CHCHD6: variants seen among roughly 807,000 people sequenced by gnomAD.
CHCHD6 encodes MICOS complex subunit MIC25.
CHCHD6 carries 28 observed loss-of-function variants against 32.3 expected under a neutral mutation model. The observed-to-expected ratio is 0.87, with a 90% CI of 0.64 to 1.19. CHCHD6 has a LOEUF of 1.19. CHCHD6 is among the 50% of genes most tolerant of loss of function. The pLI is 0.00. For missense variants in CHCHD6, 333 were observed against 307.0 expected (o/e 1.08, Z -0.63); for synonymous variants, 122 against 117.5 (o/e 1.04, Z -0.25).
intron 5 of CHCHD6, among the ~76,000 whole-genome samples, chr3:126,871,692 G>A (rs1341850246): frequency 1.5e-5 from 2 of 135,678 alleles, no homozygotes; most frequent in South Asian, 2.3e-4. Context: ...TTGAGTCGGC[G>A]TCTCACTCTG....
intron 4 of CHCHD6, among the ~76,000 whole-genome samples, chr3:126,763,921 T>G (rs1183724175): frequency 6.6e-6 from 1 of 152,136 alleles, no homozygotes; most frequent in Non-Finnish European, 1.5e-5. Flanking sequence ...TGGATGTACA[T>G]AATGCTGAAA....
Position 126,957,551 on chromosome 3 carries a change from G to T in CHCHD6, c.702G>T (p.Lys234Asn). Residue 234 changes from lysine (K) to asparagine (N), a missense_variant and splice_region_variant, in exon 7 of 8, where the codon AAG (lysine) becomes AAT (asparagine). Transcript: ENST00000290913. The stretch of plus-strand genomic sequence containing the variant: ...AGCGCTGCGTGAGCGCCGCCCACAA[G>T]GTAAGGCCTTGCCTGCCTCCCAGGT... ...AYQRCVSAAH[K>N]G 6.4e-7 allele frequency: 1 copy of T among 1,563,668 alleles called. No individual in the cohort carries two copies. Among genetic ancestry groups the T allele is most frequent in the Non-Finnish European group, 8.7e-7 (1 of 1,154,202 alleles).
intron 6 of CHCHD6, among the ~76,000 whole-genome samples, chr3:126,928,194 C>T (rs964507631): frequency 1.2e-4 from 18 of 152,366 alleles, no homozygotes; most frequent in African/African-American, 4.1e-4. Flanking sequence ...CATCTCCTGG[C>T]ATCTGGTTCT....
intron 5 of CHCHD6, among the ~76,000 whole-genome samples, chr3:126,883,591 G>A (rs892156546): frequency 3.3e-5 from 5 of 152,162 alleles, no homozygotes; most frequent in Admixed American, 3.3e-4. Context: ...GGCTGGCTGT[G>A]GGAACAGACC....
Position 126,959,187 on chromosome 3 carries a change from C to A in CHCHD6, c.703-1009C>A, listed in dbSNP as rs562129246. Among the ~76,000 whole-genome samples the A allele has an allele frequency of 2.0e-5, 3 of 152,362 alleles. No individual in the cohort carries two copies. In the South Asian group the frequency reaches 6.2e-4, roughly 32 times the overall value. On this transcript the variant is annotated intron_variant, in intron 7 of 7. Transcript: ENST00000290913. Reference sequence around the variant, plus strand: ...ACCAAGGAAGACAGATCACATTAAACCCCAGTGTATTCCCTGAGAGAGGCT... The same window carrying A: ...ACCAAGGAAGACAGATCACATTAAAACCCAGTGTATTCCCTGAGAGAGGCT...
chr3:126,732,063 T>C (rs1430725145), intron 3 of CHCHD6, among the ~76,000 whole-genome samples: 1 of 141,136 alleles, frequency 7.1e-6, no homozygotes, highest in Non-Finnish European at 1.5e-5. Context: ...TGGACCACAT[T>C]GTGAGACCCA....
At chr3:126,881,300 A>T (rs1330679668) in intron 5 of CHCHD6, among the ~76,000 whole-genome samples, 1 of 151,990 alleles carries the variant, frequency 6.6e-6, no homozygotes, top group Non-Finnish European at 1.5e-5. Context: ...TCCTCTGGGC[A>T]CCCCACCCCA....
intron 6 of CHCHD6, among the ~76,000 whole-genome samples, chr3:126,946,546 C>T (rs939284955): frequency 2.6e-5 from 4 of 152,142 alleles, no homozygotes; most frequent in Admixed American, 1.3e-4. Context: ...CCCTCTCCCA[C>T]CTGAGGGATG....
At chr3:126,958,812 C>T (rs898203195) in intron 7 of CHCHD6, among the ~76,000 whole-genome samples, 2 of 152,192 alleles carry the variant, frequency 1.3e-5, no homozygotes, top group Non-Finnish European at 2.9e-5. Context: ...GGGCAGGAGG[C>T]GCTGGGGCAC....
chr3:126,790,337 T>G (rs960374075), intron 4 of CHCHD6, among the ~76,000 whole-genome samples: 2 of 152,184 alleles, frequency 1.3e-5, no homozygotes, highest in Non-Finnish European at 2.9e-5. Flanking sequence ...CTTTGTGGTG[T>G]TCTCTGTATT....
chr3:126,924,847 G>T (rs181737782), intron 6 of CHCHD6, among the ~76,000 whole-genome samples: 4 of 152,132 alleles, frequency 2.6e-5, no homozygotes, highest in Non-Finnish European at 4.4e-5. Flanking sequence ...GAGGCTCTTG[G>T]GTCAGAAACC....
intron 4 of CHCHD6, among the ~76,000 whole-genome samples, chr3:126,798,079 G>T (rs1938880341): frequency 6.6e-6 from 1 of 152,130 alleles, no homozygotes; most frequent in Non-Finnish European, 1.5e-5. Flanking sequence ...TTCACAGTTT[G>T]AAGCACAGAA....
chr3:126,885,465 G>A (rs557354966), intron 5 of CHCHD6, among the ~76,000 whole-genome samples: 1 of 152,238 alleles, frequency 6.6e-6, no homozygotes, highest in East Asian at 1.9e-4. Context: ...CTCCTTTAAA[G>A]AATCCAGCAC....
At chr3:126,744,671 G>T (rs1936418697) in intron 4 of CHCHD6, among the ~76,000 whole-genome samples, 1 of 152,152 alleles carries the variant, frequency 6.6e-6, no homozygotes, top group African/African-American at 2.4e-5. Context: ...GCCTCAGAGG[G>T]ATCCAATCAC....
intron 4 of CHCHD6, among the ~76,000 whole-genome samples, chr3:126,839,971 G>A (rs954603461): frequency 6.6e-6 from 1 of 151,988 alleles, no homozygotes; most frequent in East Asian, 1.9e-4. Flanking sequence ...CCCCTGCCTC[G>A]GCCCCCAGGT....
intron 4 of CHCHD6, among the ~76,000 whole-genome samples, chr3:126,805,530 C>T (rs1188165936): frequency 1.3e-5 from 2 of 151,974 alleles, no homozygotes; most frequent in Non-Finnish European, 2.9e-5. Flanking sequence ...AACTACAAAC[C>T]ACTGCTCAAG....
intron 4 of CHCHD6, among the ~76,000 whole-genome samples, chr3:126,807,877 C>A (rs557564766): frequency 3.2e-3 from 486 of 152,314 alleles, no homozygotes; most frequent in Non-Finnish European, 4.6e-3. Context: ...GTCTCTATTG[C>A]AGTGACCCAT....
intron 6 of CHCHD6, among the ~76,000 whole-genome samples, chr3:126,947,522 C>T (rs1024330016): frequency 6.6e-5 from 10 of 152,222 alleles, no homozygotes; most frequent in African/African-American, 2.2e-4. Context: ...GAGCTGAGCA[C>T]ACTCCACTCT....
chr3:126,929,982 TAC>T (rs909367175), intron 6 of CHCHD6, among the ~76,000 whole-genome samples: 15 of 152,344 alleles, frequency 9.8e-5, no homozygotes, highest in African/African-American at 2.6e-4. Flanking sequence ...TCCATCTAGG[TAC>T]AGTGATCCAT....
Sources: gnomAD v4.1 joint callset for allele counts (sites outside exome capture counted in the v4.1 genomes callset) on GRCh38, gnomAD v4.1.1 for gene constraint, MANE v1.5 for transcripts, NCBI Gene and HGNC (gene_info 2026-07-23, HGNC 2026-07-21) for gene names.